The following CRMP1 variants were observed in gnomAD, a reference collection of about 807,000 sequenced individuals.
CRMP1 encodes the protein collapsin response mediator protein 1, also known as dihydropyrimidinase-related protein 1.
Under a neutral mutation model 68.3 loss-of-function variants are expected in CRMP1, and 19 were observed. The ratio of observed to expected loss-of-function variants is 0.28; its 90% CI spans 0.19 to 0.41. The LOEUF (loss-of-function observed/expected upper bound fraction) is 0.41, where lower values mean the gene tolerates loss of function less well. Among genes scored for constraint, CRMP1 ranks in the 10% least tolerant of loss-of-function variants. The pLI, the probability that CRMP1 is intolerant of heterozygous loss-of-function variation, is 1.00. For missense variants in CRMP1, 791 were observed against 967.4 expected, an observed-to-expected ratio of 0.82 and a Z score of 2.42; for synonymous variants, 439 against 399.6, an observed-to-expected ratio of 1.10 and a Z score of -1.18.
At chr4:5,852,168 G>A (rs28647743) in intron 4 of CRMP1, among the ~76,000 whole-genome samples, 16,624 of 152,234 alleles carry the variant, frequency 0.11, 1,446 homozygotes, top group African/African-American at 0.24. Flanking sequence ...TTTCTTTAAA[G>A]AATTGTGTTT....
rs189252403 is a variant in CRMP1, at chr4:5,848,725, A to G, written c.963+667T>C. On this transcript the variant is annotated intron_variant, in intron 6 of 13. Coordinates refer to ENST00000324989, the MANE Select transcript of CRMP1 (RefSeq NM_001014809.3). ...ATGGTTCTGGAGGCTGGGAAATCTA[A>G]TAACAAGGTGCCAGCATCTGGTGAG... Among the ~76,000 whole-genome samples the G allele has an allele frequency of 1.2e-3, 181 of 152,330 alleles. 1 individual carries two copies. Among genetic ancestry groups the G allele is most frequent in the African/African-American group, 3.8e-3 (160 of 41,572 alleles).
chr4:5,849,584 G>C, intron 5 of CRMP1, 112 bp from the exon 6 acceptor site: 1 of 678,582 alleles, frequency 1.5e-6, no homozygotes, highest in Non-Finnish European at 2.6e-6. Context: ...TCACCTGCCA[G>C]CCTCTGCAAA....
Sources: gnomAD v4.1 joint callset for allele counts (sites outside exome capture counted in the v4.1 genomes callset) on GRCh38, gnomAD v4.1.1 for gene constraint, MANE v1.5 for transcripts, NCBI Gene and HGNC (gene_info 2026-07-23, HGNC 2026-07-21) for gene names.